GAP43: variants seen among roughly 807,000 people sequenced by gnomAD.
GAP43 encodes growth associated protein 43.
In GAP43, 6 loss-of-function variants were observed where a neutral mutation model predicts 18.6. The observed-to-expected ratio is 0.32, with a 90% CI of 0.18 to 0.64. The LOEUF (loss-of-function observed/expected upper bound fraction) is 0.64, where lower values mean the gene tolerates loss of function less well. GAP43 is among the 30% of genes least tolerant of loss of function. GAP43 has a pLI of 0.78. For missense variants in GAP43, 292 were observed against 295.5 expected (o/e 0.99, Z 0.09); for synonymous variants, 115 against 111.4 (o/e 1.03, Z -0.20).
At chr3:115,687,873 C>A (rs2107356321) in intron 2 of GAP43, among the ~76,000 whole-genome samples, 1 of 152,214 alleles carries the variant, frequency 6.6e-6, no homozygotes, top group East Asian at 1.9e-4. Flanking sequence ...AGGCAGGCAT[C>A]CAATCTGTAC....
At chr3:115,651,310 T>TCA (rs1392586641) in intron 1 of GAP43, among the ~76,000 whole-genome samples, 1 of 152,044 alleles carries the variant, frequency 6.6e-6, no homozygotes, top group African/African-American at 2.4e-5. Context: ...CCTCTTTCTC[T>TCA]CACACACACA....
chr3:115,648,630 GT>G (rs1708487111), intron 1 of GAP43, among the ~76,000 whole-genome samples: 2 of 152,116 alleles, frequency 1.3e-5, no homozygotes, highest in Admixed American at 6.6e-5. Context: ...AGGTCCAGAA[GT>G]GGAGGCAGAG....
In GAP43 at chr3:115,676,451, G is replaced by A; in HGVS notation, c.469G>A (p.Glu157Lys). 6.2e-7 allele frequency: 1 copy of A among 1,614,138 alleles called. No homozygotes were observed. Among genetic ancestry groups the A allele is most frequent in the Non-Finnish European group, 8.5e-7 (1 of 1,180,014 alleles). ...TGATAACTCGCCGTCCTCCAAGGCT[G>A]AAGATGCCCCAGCCAAGGAGGAGCC... is the stretch of plus-strand genomic sequence containing the variant. ...STDNSPSSKA[E>K]DAPAKEEPKQ... Residue 157 changes from glutamate to lysine, a missense_variant, in exon 2 of 3, where the codon GAA becomes AAA. Glu to Lys is a moderately conservative substitution (Grantham distance 56). Coordinates refer to ENST00000305124, the MANE Select transcript of GAP43 (RefSeq NM_002045.4).
At chr3:115,709,451 G>A (rs1233909695) in intron 2 of GAP43, among the ~76,000 whole-genome samples, 4 of 152,126 alleles carry the variant, frequency 2.6e-5, no homozygotes, top group African/African-American at 9.7e-5. Flanking sequence ...TTCTCAACTG[G>A]GATCCTGTGG....
At chr3:115,655,039 A>C (rs776678794) in intron 1 of GAP43, among the ~76,000 whole-genome samples, 1 of 152,238 alleles carries the variant, frequency 6.6e-6, no homozygotes, top group Admixed American at 6.5e-5. Context: ...TAAAGAAAGT[A>C]GTAATAAATC....
chr3:115,682,206 G>T (rs1708966553), intron 2 of GAP43, among the ~76,000 whole-genome samples: 1 of 152,116 alleles, frequency 6.6e-6, no homozygotes, highest in East Asian at 1.9e-4. Flanking sequence ...TTTCAAAAAT[G>T]CTCCAAGTAC....
At chr3:115,684,533 G>A (rs1216853910) in intron 2 of GAP43, among the ~76,000 whole-genome samples, 1 of 151,916 alleles carries the variant, frequency 6.6e-6, no homozygotes, top group African/African-American at 2.4e-5. Flanking sequence ...CTGCCCAAGA[G>A]TTCAGACTGT....
intron 1 of GAP43, among the ~76,000 whole-genome samples, chr3:115,666,616 A>G (rs1271719618): frequency 6.6e-6 from 1 of 152,166 alleles, no homozygotes; most frequent in East Asian, 1.9e-4. Context: ...TTCTCATATC[A>G]GCCCAATGGG....
chr3:115,664,007 C>G, intron 1 of GAP43: 1 of 1,163,702 alleles, frequency 8.6e-7, no homozygotes, highest in Non-Finnish European at 1.2e-6. Flanking sequence ...GAGCAAATTA[C>G]TTAATTACTT....
intron 2 of GAP43, among the ~76,000 whole-genome samples, chr3:115,699,597 A>T (rs1709271544): frequency 6.6e-6 from 1 of 152,004 alleles, no homozygotes; most frequent in South Asian, 2.1e-4. Flanking sequence ...TAATACCAAC[A>T]CTGAATGGAG....
At chr3:115,655,048 T>C (rs1708563080) in intron 1 of GAP43, among the ~76,000 whole-genome samples, 2 of 152,182 alleles carry the variant, frequency 1.3e-5, no homozygotes, top group Non-Finnish European at 2.9e-5. Flanking sequence ...TAGTAATAAA[T>C]CTTTGATTAT....
chr3:115,635,761 A>C lies in GAP43; in HGVS notation c.30+12042A>C, dbSNP rs139009958. On this transcript the variant is annotated intron_variant, in intron 1 of 2. Transcript: ENST00000305124. The stretch of plus-strand genomic sequence containing the variant: ...TAAGTGTGAGCACTAGTATGCTTAA[A>C]TATGCATAACCAAACTTAGGACTCA... Among the ~76,000 whole-genome samples the C allele has an allele frequency of 7.2e-4, 110 of 152,226 alleles. 1 individual carries two copies. In the East Asian group the frequency reaches 0.017, roughly 24 times the overall value.
At chr3:115,652,546 A>G (rs1449406450) in intron 1 of GAP43, among the ~76,000 whole-genome samples, 1 of 151,534 alleles carries the variant, frequency 6.6e-6, no homozygotes, top group Non-Finnish European at 1.5e-5. Flanking sequence ...CACCATGCCC[A>G]GCTAATTTTT....
chr3:115,678,307 C>T (rs957874212), intron 2 of GAP43, among the ~76,000 whole-genome samples: 2 of 152,066 alleles, frequency 1.3e-5, no homozygotes, highest in African/African-American at 4.8e-5. Flanking sequence ...TCTGACATGG[C>T]ACAGACCATA....
intron 1 of GAP43, among the ~76,000 whole-genome samples, chr3:115,652,389 A>ATTTTTTTTT (rs1708531283): frequency 5.5e-4 from 14 of 25,616 alleles, no homozygotes; most frequent in African/African-American, 1.4e-3. Context: ...TTTTTTTGTG[A>ATTTTTTTTT]TAGAGTCTTG....
At chr3:115,681,934 C>T (rs1708962332) in intron 2 of GAP43, among the ~76,000 whole-genome samples, 1 of 152,116 alleles carries the variant, frequency 6.6e-6, no homozygotes, top group South Asian at 2.1e-4. Context: ...ACATGCTGAA[C>T]CCTGACACTT....
intron 1 of GAP43, among the ~76,000 whole-genome samples, chr3:115,654,479 T>A (rs1168509826): frequency 3.3e-5 from 5 of 152,208 alleles, no homozygotes; most frequent in African/African-American, 9.6e-5. Context: ...GTCTTTTTTT[T>A]AAAAGCTCTG....
At chr3:115,632,954 G>T (rs915777023) in intron 1 of GAP43, among the ~76,000 whole-genome samples, 1 of 151,746 alleles carries the variant, frequency 6.6e-6, no homozygotes, top group African/African-American at 2.4e-5. Context: ...TATTATATAT[G>T]CGTTTTTTGA....
intron 1 of GAP43, among the ~76,000 whole-genome samples, chr3:115,659,612 A>C (rs1478586956): frequency 1.4e-5 from 2 of 147,254 alleles, no homozygotes; most frequent in Non-Finnish European, 3.1e-5. Flanking sequence ...AATTAAAATA[A>C]AATATTAGAG....
Sources: allele counts gnomAD v4.1 joint callset (sites outside exome capture counted in the v4.1 genomes callset), GRCh38; gene constraint gnomAD v4.1.1; transcripts MANE v1.5; gene names NCBI Gene and HGNC (gene_info 2026-07-23, HGNC 2026-07-21).